The following ACYP2 variants were observed in gnomAD, a reference collection of about 807,000 sequenced individuals.
The protein encoded by ACYP2 is acylphosphatase-2.
ACYP2 carries 12 observed loss-of-function variants against 11.2 expected under a neutral mutation model. The observed-to-expected ratio is 1.08, with a 90% CI of 0.69 to 1.74. The LOEUF (loss-of-function observed/expected upper bound fraction) is 1.74, where lower values mean the gene tolerates loss of function less well. Among genes scored for constraint, ACYP2 ranks in the 40% most tolerant of loss-of-function variants. The pLI, the probability that ACYP2 is intolerant of heterozygous loss-of-function variation, is 0.00. For synonymous variants in ACYP2, 43 were observed against 32.2 expected, an observed-to-expected ratio of 1.33 and a Z score of -1.13; for missense variants, 134 against 101.9, an observed-to-expected ratio of 1.31 and a Z score of -1.35.
chr2:54,227,436 CGA>C (rs1347697763), intron 6 of ACYP2, among the ~76,000 whole-genome samples: 2 of 151,942 alleles, frequency 1.3e-5, no homozygotes, highest in African/African-American at 4.8e-5. Flanking sequence ...GTCAGGAGAT[CGA>C]GACCATCCTG....
intron 6 of ACYP2, among the ~76,000 whole-genome samples, chr2:54,299,855 T>A (rs1009834933): frequency 6.6e-6 from 1 of 152,200 alleles, no homozygotes; most frequent in African/African-American, 2.4e-5. Flanking sequence ...GCACACTGCA[T>A]TGCAGGCAGG....
At chr2:54,182,047 A>ATTTTTTTTTTTTTTTTTTT (rs35145998) in intron 6 of ACYP2, among the ~76,000 whole-genome samples, 2 of 83,068 alleles carry the variant, frequency 2.4e-5, no homozygotes, top group African/African-American at 1.0e-4. Context: ...ATAGAAGATA[A>ATTTTTTTTTTTTTTTTTTT]TTTTTTTTTT....
intron 6 of ACYP2, among the ~76,000 whole-genome samples, chr2:54,293,093 A>G (rs1689379513): frequency 6.6e-6 from 1 of 152,022 alleles, no homozygotes; most frequent in Non-Finnish European, 1.5e-5. Flanking sequence ...CGTCACCGCA[A>G]CTCTGTGAGG....
intron 6 of ACYP2, among the ~76,000 whole-genome samples, chr2:54,193,005 G>A (rs192022642): frequency 1.3e-3 from 201 of 152,320 alleles, no homozygotes; most frequent in African/African-American, 4.6e-3. Flanking sequence ...TAGAGACACA[G>A]AGCCAAACCA....
At chr2:54,081,500 A>C (rs1054693966) in intron 4 of ACYP2, among the ~76,000 whole-genome samples, 2 of 152,158 alleles carry the variant, frequency 1.3e-5, no homozygotes, top group African/African-American at 4.8e-5. Context: ...GTACCGTCAC[A>C]TACTGTAAAG....
chr2:54,058,165 G>T (rs1044494561), intron 4 of ACYP2, among the ~76,000 whole-genome samples: 2 of 151,986 alleles, frequency 1.3e-5, no homozygotes, highest in African/African-American at 4.8e-5. Flanking sequence ...TGGAGTGTTG[G>T]TGTTAACGCA....
intron 6 of ACYP2, among the ~76,000 whole-genome samples, chr2:54,165,757 C>T (rs1682942614): frequency 1.3e-5 from 2 of 152,042 alleles, no homozygotes; most frequent in South Asian, 4.1e-4. Flanking sequence ...TTAGTTTCTT[C>T]CCTACCCCTG....
chr2:54,116,412 C>G (rs1679792785), intron 4 of ACYP2, among the ~76,000 whole-genome samples: 1 of 151,594 alleles, frequency 6.6e-6, no homozygotes, highest in South Asian at 2.1e-4. Context: ...AACTCTTCAA[C>G]AATGGGAAAT....
intron 6 of ACYP2, chr2:54,255,148 C>T: frequency 1.2e-6 from 2 of 1,614,128 alleles, no homozygotes; most frequent in South Asian, 2.2e-5. Flanking sequence ...GGACTGGGGT[C>T]CATGGCCCCG....
At chr2:54,173,153 A>C (rs1683287478) in intron 6 of ACYP2, among the ~76,000 whole-genome samples, 1 of 151,986 alleles carries the variant, frequency 6.6e-6, no homozygotes, top group Non-Finnish European at 1.5e-5. Flanking sequence ...ACTAATTTAC[A>C]CTCCCACCAA....
At chr2:54,037,941 T>A (rs1300458604) in intron 2 of ACYP2, among the ~76,000 whole-genome samples, 1 of 152,236 alleles carries the variant, frequency 6.6e-6, no homozygotes, top group African/African-American at 2.4e-5. Context: ...CTTTTCACTG[T>A]GTGCATCATG....
chr2:54,252,898 C>T (rs1381602227), intron 6 of ACYP2, among the ~76,000 whole-genome samples: 1 of 145,852 alleles, frequency 6.9e-6, no homozygotes, highest in Non-Finnish European at 1.5e-5. Flanking sequence ...AGCGAGACTC[C>T]GTCTCAAAAA....
intron 6 of ACYP2, among the ~76,000 whole-genome samples, chr2:54,162,233 A>C (rs1682749425): frequency 6.6e-6 from 1 of 152,216 alleles, no homozygotes; most frequent in Non-Finnish European, 1.5e-5. Flanking sequence ...TCCCTTTATG[A>C]ATAATGCCAG....
intron 6 of ACYP2, among the ~76,000 whole-genome samples, chr2:54,158,064 C>T (rs765964212): frequency 2.0e-5 from 3 of 151,898 alleles, no homozygotes; most frequent in Non-Finnish European, 2.9e-5. Flanking sequence ...CTCACTCCAG[C>T]GCCCAGGCTG....
At chr2:54,028,458 C>A (rs957079609) in intron 2 of ACYP2, among the ~76,000 whole-genome samples, 1 of 152,192 alleles carries the variant, frequency 6.6e-6, no homozygotes, top group African/African-American at 2.4e-5. Context: ...ATTTTTCTCT[C>A]TGTAAACATG....
intron 6 of ACYP2, among the ~76,000 whole-genome samples, chr2:54,212,421 C>A (rs544161381): frequency 6.6e-6 from 1 of 152,304 alleles, no homozygotes; most frequent in South Asian, 2.1e-4. Flanking sequence ...GCTGTAATCT[C>A]CTTTTCCCTG....
chr2:54,091,455 C>G (rs543546159), intron 4 of ACYP2, among the ~76,000 whole-genome samples: 1 of 151,914 alleles, frequency 6.6e-6, no homozygotes, highest in African/African-American at 2.4e-5. Flanking sequence ...CTTTTCTCTT[C>G]AAGTCCCTCT....
At chr2:54,177,832 G>A (rs1324403212) in intron 6 of ACYP2, among the ~76,000 whole-genome samples, 1 of 150,244 alleles carries the variant, frequency 6.7e-6, no homozygotes, top group African/African-American at 2.5e-5. Flanking sequence ...GCCCCCACTC[G>A]GCCTCCCAGA....
intron 6 of ACYP2, among the ~76,000 whole-genome samples, chr2:54,193,304 T>C (rs1684315127): frequency 6.6e-6 from 1 of 152,228 alleles, no homozygotes; most frequent in African/African-American, 2.4e-5. Context: ...CACATTAATA[T>C]CTTTATTATC....
Sources: gnomAD v4.1 joint callset for allele counts (sites outside exome capture counted in the v4.1 genomes callset) on GRCh38, gnomAD v4.1.1 for gene constraint, MANE v1.5 for transcripts, NCBI Gene and HGNC (gene_info 2026-07-23, HGNC 2026-07-21) for gene names.